Variants in CXCR4 observed in about 807,000 individuals in gnomAD.
The protein encoded by CXCR4 is C-X-C chemokine receptor type 4.
CXCR4 carries 6 observed loss-of-function variants against 22.4 expected under a neutral mutation model. The ratio of observed to expected loss-of-function variants is 0.27; its 90% CI spans 0.15 to 0.53. The LOEUF is 0.53. Ranked by LOEUF, CXCR4 falls within the 20% of genes least tolerant of loss-of-function variation. The pLI is 0.96. For missense variants in CXCR4, 300 were observed against 430.4 expected, an observed-to-expected ratio of 0.70 and a Z score of 2.68; for synonymous variants, 155 against 171.7, an observed-to-expected ratio of 0.90 and a Z score of 0.76.
In CXCR4 at chr2:136,114,840, C is replaced by G; in HGVS notation, c.*29G>C. The G allele has an allele frequency of 6.4e-7, 1 of 1,555,442 alleles. No homozygotes were observed. Reference sequence around the variant, plus strand: ...TGTAACTTAAAAAAAAGTTATTTATCGTATAAAAAAAAGTCTTTTACATCT... The same window carrying G: ...TGTAACTTAAAAAAAAGTTATTTATGGTATAAAAAAAAGTCTTTTACATCT... On this transcript the variant is annotated 3_prime_UTR_variant, in exon 2 of 2. Coordinates refer to ENST00000241393, the MANE Select transcript of CXCR4 (RefSeq NM_003467.3).
At chr2:136,116,555 T>C (rs532352077) in intron 1 of CXCR4, among the ~76,000 whole-genome samples, 8 of 152,190 alleles carry the variant, frequency 5.3e-5, no homozygotes, top group East Asian at 3.9e-4. Flanking sequence ...TTGGGGTATA[T>C]TGGGCGGGAG....
intron 1 of CXCR4, chr2:136,117,736 A>T (rs556560104): frequency 1.2e-5 from 4 of 340,806 alleles, no homozygotes; most frequent in African/African-American, 4.4e-5. Context: ...TGTGCACAGA[A>T]TGTTCTTACG....
Position 136,116,221 on chromosome 2 carries a change from C to G in CXCR4, c.16-309G>C, listed in dbSNP as rs573037333. On this transcript the variant is annotated intron_variant, in intron 1 of 1. Transcript: ENST00000241393. Reference sequence around the variant, plus strand: ...CATCTTGGCTAACTCCTCTGCCCCGCCCACTAGAGGGAAGAAAAAAAACCT... The same window carrying G: ...CATCTTGGCTAACTCCTCTGCCCCGGCCACTAGAGGGAAGAAAAAAAACCT... The G allele has an allele frequency of 4.3e-5, 55 of 1,277,436 alleles. No individual in the cohort carries two copies. The African/African-American group carries it at 8.4e-4, about 19-fold the overall frequency. The allele number at this position is 1,277,436 out of a possible 1,614,324, so 79.1% of individuals were successfully genotyped here. A position where few individuals can be genotyped will look rare whatever the true frequency, so the allele number is the denominator to read the frequency against.
intron 1 of CXCR4, chr2:136,116,188 CAA>C: frequency 7.4e-7 from 1 of 1,351,620 alleles, no homozygotes; most frequent in South Asian, 1.6e-5. Context: ...CTGAGGGTTT[CAA>C]AGTCACATCT....
chr2:136,117,889 C>G (rs1684961732), intron 1 of CXCR4, among the ~76,000 whole-genome samples, 157 bp downstream of exon 1: 2 of 150,126 alleles, frequency 1.3e-5, no homozygotes, highest in Admixed American at 6.6e-5. Flanking sequence ...CCCACCCGCA[C>G]TATATAGGCA....
chr2:136,117,413 C>T (rs2104920783), intron 1 of CXCR4: 1 of 152,484 alleles, frequency 6.6e-6, no homozygotes, highest in South Asian at 2.0e-4. Context: ...GCTGCCACCA[C>T]TCGATCCCCT....
Position 136,115,019 on chromosome 2 carries a change from A to G in CXCR4, c.909T>C (p.Ala303=). The change falls in exon 2 of 2, where the codon GCT becomes GCC. Residue 303 remains alanine (A), a synonymous_variant. Coordinates refer to ENST00000241393, the MANE Select transcript of CXCR4 (RefSeq NM_003467.3). This position sits in a 1 kb window ranked among gnomAD's most constrained non-coding sequence, Gnocchi z 6.4. ...FHCCLNPILY[A]FLGAKFKTSA... is the part of the protein sequence containing the mutation. The stretch of plus-strand genomic sequence containing the variant: ...AGGTTTTAAATTTGGCTCCAAGGAA[A>G]GCATAGAGGATGGGGTTCAGACAAC... 2 of 1,614,168 alleles carry G rather than the reference A, an allele frequency of 1.2e-6. No individual in the cohort carries two copies. The highest frequency in any genetic ancestry group is 1.7e-6 in the Non-Finnish European group (2 of 1,180,032).
chr2:136,116,606 G>A (rs997587624), intron 1 of CXCR4, among the ~76,000 whole-genome samples: 1 of 152,174 alleles, frequency 6.6e-6, no homozygotes, highest in Non-Finnish European at 1.5e-5. Flanking sequence ...CCCCAAGCGG[G>A]CGCTCCTCCG....
chr2:136,115,427 C>T lies in CXCR4; in HGVS notation c.501G>A (p.Leu167=), dbSNP rs765419581. The T allele has an allele frequency of 8.1e-6, 13 of 1,614,222 alleles. 1 individual carries two copies. The South Asian group carries it at 1.3e-4, about 16-fold the overall frequency. The change falls in exon 2 of 2, where the codon CTG becomes CTA. Residue 167 remains leucine (L), a synonymous_variant. Coordinates refer to ENST00000241393, the MANE Select transcript of CXCR4 (RefSeq NM_003467.3). This position sits in a 1 kb window ranked among gnomAD's most constrained non-coding sequence, Gnocchi z 6.4. ...TGGCAAAGATGAAGTCGGGAATAGT[C>T]AGCAGGAGGGCAGGGATCCAGACGC... The part of the protein sequence containing the change: ...YVGVWIPALL[L]TIPDFIFANV...
rs1684843947 is a variant in CXCR4 at position 136,115,005 on chromosome 2, T to G, written c.923A>C (p.Lys308Thr). ...TGCGTGCTGGGCAGAGGTTTTAAAT[T>G]TGGCTCCAAGGAAAGCATAGAGGAT... ...NPILYAFLGA[K>T]FKTSAQHALT... is the part of the protein sequence containing the mutation. Residue 308 changes from lysine (K) to threonine (T), a missense_variant, in exon 2 of 2, where the codon AAA becomes ACA. Transcript: ENST00000241393. The surrounding 1 kb of genome is among the most constrained non-coding windows in gnomAD (Gnocchi z 6.4). 2 of 1,614,020 alleles carry G rather than the reference T, an allele frequency of 1.2e-6. No homozygotes were observed. Among genetic ancestry groups the G allele is most frequent in the Non-Finnish European group, 1.7e-6 (2 of 1,180,028 alleles).
Position 136,114,980 on chromosome 2 carries a change from T to C in CXCR4, c.948A>G (p.Ala316=). ...GAKFKTSAQH[A]LTSVSRGSSL... ...TGGACCCTCTGCTCACAGAGGTGAG[T>C]GCGTGCTGGGCAGAGGTTTTAAATT... The change falls in exon 2 of 2, where the codon GCA becomes GCG. Residue 316 remains alanine (A), a synonymous_variant. Coordinates refer to ENST00000241393, the MANE Select transcript of CXCR4 (RefSeq NM_003467.3). The C allele has an allele frequency of 6.2e-7, 1 of 1,614,054 alleles. No homozygotes were observed. Among genetic ancestry groups the C allele is most frequent in the Non-Finnish European group, 8.5e-7 (1 of 1,179,974 alleles).
chr2:136,114,791 T>C lies in CXCR4; in HGVS notation c.*78A>G, dbSNP rs1684835094. ...AGCAATAAAAACTGTACAATATTGG[T>C]CAGTCTTTTATATCTGAAAAATGTG... On this transcript the variant is annotated 3_prime_UTR_variant, in exon 2 of 2. Transcript: ENST00000241393. 6 of 1,279,594 alleles carry C rather than the reference T, an allele frequency of 4.7e-6. No individual in the cohort carries two copies. 79.3% of individuals were successfully genotyped at this position (1,279,594 alleles called of 1,614,324 possible). A position where few individuals can be genotyped will look rare whatever the true frequency, so the allele number is the denominator to read the frequency against.
chr2:136,117,265 C>G (rs1684924106), intron 1 of CXCR4, among the ~76,000 whole-genome samples: 1 of 152,098 alleles, frequency 6.6e-6, no homozygotes, highest in Non-Finnish European at 1.5e-5. Context: ...GAGGTCAAAC[C>G]ACTCCGCTGA....
chr2:136,115,937 C>T lies in CXCR4; in HGVS notation c.16-25G>A, dbSNP rs1474431639. 6 of 1,613,982 alleles carry T rather than the reference C, an allele frequency of 3.7e-6. No homozygotes were observed. The African/African-American group carries it at 6.7e-5, about 18-fold the overall frequency. On this transcript the variant is annotated intron_variant, in intron 1 of 1. Coordinates refer to ENST00000241393, the MANE Select transcript of CXCR4 (RefSeq NM_003467.3). The surrounding 1 kb of genome is among the most constrained non-coding windows in gnomAD (Gnocchi z 6.4). ...TCTGCAAAAGAGGCAAAGGAATGGACATTCACTTCCAATTCAGCAAGCATT... is the reference window on the plus strand; with the variant it reads ...TCTGCAAAAGAGGCAAAGGAATGGATATTCACTTCCAATTCAGCAAGCATT...
At position 136,115,889 on chromosome 2, in the gene CXCR4, G is replaced by A. The variant is rs375868851; in HGVS notation, c.39C>T (p.Thr13=). 22 of 1,614,100 alleles carry A rather than the reference G, an allele frequency of 1.4e-5. No individual in the cohort carries two copies. In the South Asian group the frequency reaches 2.2e-4, roughly 16 times the overall value. Residue 13 remains threonine, a synonymous_variant, in exon 2 of 2, where the codon ACC becomes ACT. Coordinates refer to ENST00000241393, the MANE Select transcript of CXCR4 (RefSeq NM_003467.3). This position sits in a 1 kb window ranked among gnomAD's most constrained non-coding sequence, Gnocchi z 6.4. The stretch of plus-strand genomic sequence containing the variant: ...CATAGTCCCCTGAGCCCATTTCCTC[G>A]GTGTAGTTATCTGAAGTGTATATCT... ...GISIYTSDNY[T]EEMGSGDYDS...
rs753225194 is a variant in CXCR4 at position 136,114,576 on chromosome 2, T to G, written c.*293A>C. On this transcript the variant is annotated 3_prime_UTR_variant, in exon 2 of 2. Coordinates refer to ENST00000241393, the MANE Select transcript of CXCR4 (RefSeq NM_003467.3). ...AACAGCTGGGGATCATTTCTAGCTT[T>G]ACGTGATTCACTACACGCTCTGGAA... The G allele has an allele frequency of 1.4e-4, 44 of 305,016 alleles. No homozygotes were observed. Among genetic ancestry groups the G allele is most frequent in the Admixed American group, 4.2e-4 (9 of 21,506 alleles). 18.9% of individuals were successfully genotyped at this position (305,016 alleles called of 1,614,324 possible).
chr2:136,117,801 T>A, intron 1 of CXCR4: 2 of 512,436 alleles, frequency 3.9e-6, no homozygotes, highest in East Asian at 3.5e-5. Flanking sequence ...GGGAGACACA[T>A]GCAGCCACTG....
intron 1 of CXCR4, chr2:136,117,703 A>C: frequency 2.7e-5 from 6 of 225,272 alleles, no homozygotes; most frequent in East Asian, 1.1e-4. Context: ...GTCCCGAGGC[A>C]GCGCGCACGC....
chr2:136,116,380 G>A, intron 1 of CXCR4: 1 of 255,822 alleles, frequency 3.9e-6, no homozygotes, highest in Non-Finnish European at 6.7e-6. Flanking sequence ...GAAGAGGGGA[G>A]AAGGGAGGAT....
Sources: gnomAD v4.1 joint callset for allele counts (sites outside exome capture counted in the v4.1 genomes callset) on GRCh38, gnomAD v4.1.1 for gene constraint, Gnocchi (gnomAD v3.1) non-coding constraint, MANE v1.5 for transcripts, NCBI Gene and HGNC (gene_info 2026-07-23, HGNC 2026-07-21) for gene names.